The following DNAH17 variants were observed in gnomAD, a reference collection of about 807,000 sequenced individuals.
The protein encoded by DNAH17 is axonemal beta dynein heavy chain 17.
A neutral mutation model predicts 485.6 loss-of-function variants in DNAH17; 376 were observed. The observed-to-expected ratio is 0.77, with a 90% CI of 0.71 to 0.84. The LOEUF is 0.84. Among genes scored for constraint, DNAH17 ranks in the 40% least tolerant of loss-of-function variants. DNAH17 has a pLI of 0.00. For synonymous variants in DNAH17, 3,031 were observed against 2,405.9 expected, an observed-to-expected ratio of 1.26 and a Z score of -7.60; for missense variants, 6,370 against 5,839.3, an observed-to-expected ratio of 1.09 and a Z score of -2.96.
chr17:78,570,213 G>A (rs2092331368), intron 7 of DNAH17, 34 bp downstream of exon 7: 3 of 1,555,170 alleles, frequency 1.9e-6, no homozygotes, highest in Non-Finnish European at 2.6e-6. Context: ...GCCAGGAGGG[G>A]AGGAAGGGGA....
At chr17:78,487,665 C>T (rs1467232324) in intron 44 of DNAH17, among the ~76,000 whole-genome samples, 2 of 152,158 alleles carry the variant, frequency 1.3e-5, no homozygotes, top group African/African-American at 4.8e-5. Flanking sequence ...GCTGGGATCA[C>T]AGGCGTGCAC....
At chr17:78,468,490 T>C (rs2146565391) in intron 55 of DNAH17, 127 bp downstream of exon 55, 7 of 1,286,714 alleles carry the variant, frequency 5.4e-6, no homozygotes, top group Non-Finnish European at 6.3e-6. Context: ...CCTCACACTC[T>C]CCTAACAGGA....
In DNAH17 at chr17:78,475,678, G is replaced by A; in HGVS notation, c.8310C>T (p.Val2770=). The change falls in exon 53 of 81, where the codon GTC becomes GTT. Residue 2770 remains valine, a synonymous_variant. Coordinates refer to ENST00000389840, the MANE Select transcript of DNAH17 (RefSeq NM_173628.4). ...GCTCCAGCCTGCTCACCAAATTCAT[G>A]ACTGCATTAACTTCATTGTAGCTGT... The part of the protein sequence containing the change: ...VLDSYNEVNA[V]MNLVLFEDAV... 6.2e-7 allele frequency: 1 copy of A among 1,613,580 alleles called. No homozygotes were observed. The highest frequency in any genetic ancestry group is 8.5e-7 in the Non-Finnish European group (1 of 1,179,742).
intron 72 of DNAH17, among the ~76,000 whole-genome samples, chr17:78,439,819 G>A (rs1459831634): frequency 6.6e-6 from 1 of 150,662 alleles, no homozygotes; most frequent in Non-Finnish European, 1.5e-5. Context: ...ACAGGCGCCC[G>A]CCACCACACC....
At chr17:78,562,109 A>AT in intron 11 of DNAH17, 129 bp from the exon 12 acceptor site, 1 of 1,119,978 alleles carries the variant, frequency 8.9e-7, no homozygotes, top group Non-Finnish European at 1.2e-6. Flanking sequence ...AAACAAAACA[A>AT]TCCACTGGAA....
intron 37 of DNAH17, 89 bp from the exon 38 acceptor site, chr17:78,496,121 C>A: frequency 7.0e-7 from 1 of 1,437,442 alleles, no homozygotes; most frequent in Admixed American, 2.4e-5. Context: ...AAGCATGAGG[C>A]TGCGAATTTG....
rs759442853 is a variant in DNAH17, at chr17:78,479,494, C to T, written c.7891G>A (p.Ala2631Thr). 27 of 1,611,260 alleles carry T rather than the reference C, an allele frequency of 1.7e-5. No homozygotes were observed. The African/African-American group carries it at 2.0e-4, about 12-fold the overall frequency. The part of the protein sequence containing the change: ...IQRISSQLVA[A>T]ALALHQKITA... The stretch of plus-strand genomic sequence containing the variant: ...AGGCCAGCCAGCTTACCCAGGGCCG[C>T]GGCCACCAGCTGGCTGCTTATCCTC... The change falls in exon 50 of 81, where the codon GCG becomes ACG. Residue 2631 changes from alanine to threonine, a missense_variant. Physicochemically the swap from Ala to Thr is moderately conservative, Grantham distance 58. Coordinates refer to ENST00000389840, the MANE Select transcript of DNAH17 (RefSeq NM_173628.4).
At chr17:78,485,912 T>G (rs1330265390) in intron 46 of DNAH17, 48 bp downstream of exon 46, 2 of 1,597,448 alleles carry the variant, frequency 1.3e-6, no homozygotes, top group South Asian at 2.2e-5. Flanking sequence ...CTGCACCGAT[T>G]CCTGCCTCTA....
intron 11 of DNAH17, among the ~76,000 whole-genome samples, chr17:78,562,629 A>C (rs2092181164): frequency 6.6e-6 from 1 of 152,170 alleles, no homozygotes; most frequent in Non-Finnish European, 1.5e-5. Flanking sequence ...CTCCAGAAAA[A>C]ACAAACCCAA....
At chr17:78,528,153 CTATGGTTGCTGGCTG>C (rs1450568069) in intron 22 of DNAH17, among the ~76,000 whole-genome samples, 3 of 152,184 alleles carry the variant, frequency 2.0e-5, no homozygotes, top group South Asian at 4.1e-4. Flanking sequence ...TCTAGTTCTT[CTATGGTTGCTGGCTG>C]TATGGTTTCT....
Position 78,450,787 on chromosome 17 carries a change from C to G in DNAH17, c.10794G>C (p.Ser3598=), listed in dbSNP as rs147501512. ...FKIVLKELED[S]LLARLSAASG... The stretch of plus-strand genomic sequence containing the variant: ...ACGCAGCCGACAGACGGGCCAGGAG[C>G]GAATCTTCCAGCTCTTTCAGAACAA... Residue 3598 remains serine (S), a synonymous_variant, in exon 67 of 81, where the codon TCG becomes TCC. Coordinates refer to ENST00000389840, the MANE Select transcript of DNAH17 (RefSeq NM_173628.4). 6.2e-7 allele frequency: 1 copy of G among 1,614,062 alleles called. No individual in the cohort carries two copies.
chr17:78,507,849 G>C, intron 27 of DNAH17, 44 bp from the exon 28 acceptor site: 1 of 1,467,740 alleles, frequency 6.8e-7, no homozygotes, highest in Non-Finnish European at 9.1e-7. Flanking sequence ...CATTTGGCAT[G>C]CAAAGCTCAG....
intron 62 of DNAH17, 95 bp downstream of exon 62, chr17:78,458,470 T>C: frequency 9.4e-7 from 1 of 1,068,922 alleles, no homozygotes; most frequent in Non-Finnish European, 1.4e-6. Flanking sequence ...TGCTTCCACC[T>C]GGGCTCCCTC....
At position 78,423,865 on chromosome 17, in the gene DNAH17, G is replaced by A. The variant is rs903350683; in HGVS notation, c.*41C>T. On this transcript the variant is annotated 3_prime_UTR_variant, in exon 81 of 81. Transcript: ENST00000389840. Reference sequence around the variant, plus strand: ...GTGCACAGGTGAAGGGCTGAGTTGTGGTCCAGCCCCAGGGAGTGTGGGCTG... The same window carrying A: ...GTGCACAGGTGAAGGGCTGAGTTGTAGTCCAGCCCCAGGGAGTGTGGGCTG... The A allele has an allele frequency of 3.1e-6, 5 of 1,607,296 alleles. No homozygotes were observed. Among genetic ancestry groups the A allele is most frequent in the Non-Finnish European group, 4.3e-6 (5 of 1,175,176 alleles).
rs2088008485 is a variant in DNAH17 at position 78,459,878 on chromosome 17, C to A, written c.9559G>T (p.Ala3187Ser). 1.9e-6 allele frequency: 3 copies of A among 1,614,044 alleles called. No homozygotes were observed. Among genetic ancestry groups the A allele is most frequent in the Non-Finnish European group, 1.7e-6 (2 of 1,179,900 alleles). The change falls in exon 60 of 81, where the codon GCC (alanine) becomes TCC (serine). Residue 3187 changes from alanine to serine, a missense_variant. Transcript: ENST00000389840. The stretch of plus-strand genomic sequence containing the variant: ...TCCACCTTGCCCATCATGATCTTGG[C>A]CGCCTTCCAGCTCTTGTCCTTGGGG... Reference protein sequence around the residue: ...KIPKDKSWKAAKIMMGKVDTF... With the variant: ...KIPKDKSWKASKIMMGKVDTF...
chr17:78,476,874 C>G, intron 51 of DNAH17, 141 bp from the exon 52 acceptor site: 1 of 1,019,632 alleles, frequency 9.8e-7, no homozygotes, highest in Non-Finnish European at 1.4e-6. Context: ...TCACTTGGGG[C>G]CAGGGAAGCC....
rs369544837 is a variant in DNAH17 at position 78,514,802 on chromosome 17, T to C, written c.4085A>G (p.His1362Arg). Residue 1362 changes from histidine (H) to arginine (R), a missense_variant, in exon 26 of 81, where the codon CAC (histidine) becomes CGC (arginine). Transcript: ENST00000389840. ...ELQNPAIRER[H>R]WQQLMQATQV... ...GGTGGCCTGCATGAGCTGCTGCCAG[T>C]GGCGTTCCCGAATGGCAGGGTTCTG... is the stretch of plus-strand genomic sequence containing the variant. The C allele has an allele frequency of 1.9e-6, 3 of 1,614,012 alleles. No homozygotes were observed. The highest frequency in any genetic ancestry group is 2.5e-6 in the Non-Finnish European group (3 of 1,179,892).
chr17:78,525,158 G>T lies in DNAH17; in HGVS notation c.3715C>A (p.Gln1239Lys). The T allele has an allele frequency of 6.2e-7, 1 of 1,612,418 alleles. No homozygotes were observed. The highest frequency in any genetic ancestry group is 8.5e-7 in the Non-Finnish European group (1 of 1,179,238). ...PNPYKSLNKQQKSISAMEGIM... is the reference protein window; with the variant it reads ...PNPYKSLNKQKKSISAMEGIM... ...CCTTCCATGGCGGAGATGCTCTTTT[G>T]TTGCTAGGGGCGGCGAGGGGGCCGT... Residue 1239 changes from glutamine to lysine, a missense_variant, in exon 25 of 81, where the codon CAA becomes AAA. Transcript: ENST00000389840.
intron 54 of DNAH17, 78 bp from the exon 55 acceptor site, chr17:78,468,961 G>A (rs908590236): frequency 6.7e-7 from 1 of 1,501,800 alleles, no homozygotes; most frequent in Non-Finnish European, 8.9e-7. Flanking sequence ...ACCAACCAGA[G>A]CACAGGGCCA....
Sources: gnomAD v4.1 joint callset for allele counts (sites outside exome capture counted in the v4.1 genomes callset) on GRCh38, gnomAD v4.1.1 for gene constraint, MANE v1.5 for transcripts, NCBI Gene and HGNC (gene_info 2026-07-23, HGNC 2026-07-21) for gene names.